SVOPL: variants seen among roughly 807,000 people sequenced by gnomAD.
SVOPL encodes the protein putative transporter SVOPL.
In SVOPL, 60 loss-of-function variants were observed where a neutral mutation model predicts 61.0. The observed-to-expected ratio is 0.98, with a 90% CI of 0.80 to 1.22. The LOEUF (loss-of-function observed/expected upper bound fraction) is 1.22, where lower values mean the gene tolerates loss of function less well. Ranked by LOEUF, SVOPL falls within the 50% of genes most tolerant of loss-of-function variation. The probability of loss-of-function intolerance (pLI) is 0.00; values close to 1 mark genes in which losing one functional copy is unlikely to be tolerated. For synonymous variants in SVOPL, 279 were observed against 250.0 expected (o/e 1.12, Z -1.09); for missense variants, 662 against 643.9 (o/e 1.03, Z -0.30).
At chr7:138,608,438 T>A (rs1798849918) in intron 14 of SVOPL, among the ~76,000 whole-genome samples, 1 of 152,222 alleles carries the variant, frequency 6.6e-6, no homozygotes, top group South Asian at 2.1e-4. Flanking sequence ...CAGACATTTC[T>A]AACCTATGAG....
chr7:138,663,628 T>C, intron 4 of SVOPL: 2 of 982,628 alleles, frequency 2.0e-6, no homozygotes, highest in Non-Finnish European at 2.4e-6. Context: ...CACCTACTTC[T>C]TTTCCTTACT....
Position 138,621,094 on chromosome 7 carries a change from G to T in SVOPL, c.1305C>A (p.Ser435Arg). Residue 435 changes from serine (S) to arginine (R), a missense_variant, in exon 14 of 16, where the codon AGC becomes AGA. Physicochemically the swap from Ser to Arg is moderately radical, Grantham distance 110 (BLOSUM62 -1). Transcript: ENST00000674285. The part of the protein sequence containing the change: ...TTMRALGMGT[S>R]GSLCRIGAMV... The stretch of plus-strand genomic sequence containing the variant: ...TTGCACCAATGCGACACAGGGAGCC[G>T]CTGGTTCCCATCCCCAAAGCGCGCA... The T allele has an allele frequency of 6.2e-7, 1 of 1,613,576 alleles. No homozygotes were observed.
intron 9 of SVOPL, among the ~76,000 whole-genome samples, chr7:138,631,180 C>T (rs1330529701): frequency 6.6e-6 from 1 of 152,046 alleles, no homozygotes; most frequent in Non-Finnish European, 1.5e-5. Flanking sequence ...ACTTAGAGGT[C>T]TTTTGCTCCA....
intron 9 of SVOPL, among the ~76,000 whole-genome samples, chr7:138,640,080 A>C (rs1299695496): frequency 6.6e-6 from 1 of 152,040 alleles, no homozygotes; most frequent in Non-Finnish European, 1.5e-5. Flanking sequence ...TTTAAAGCAA[A>C]GCAGTGTAGA....
chr7:138,621,379 C>T (rs571208253), intron 13 of SVOPL, among the ~76,000 whole-genome samples: 2 of 152,270 alleles, frequency 1.3e-5, no homozygotes, highest in Non-Finnish European at 2.9e-5. Context: ...ATGTGCTTCA[C>T]TGAAGATTCC....
intron 14 of SVOPL, chr7:138,597,363 A>T (rs1019356791): frequency 1.2e-5 from 6 of 510,246 alleles, no homozygotes; most frequent in Non-Finnish European, 1.5e-5. Context: ...CTCAGTAATT[A>T]CTTGTCCAAA....
At chr7:138,652,680 A>G (rs947036835) in intron 7 of SVOPL, among the ~76,000 whole-genome samples, 1 of 152,000 alleles carries the variant, frequency 6.6e-6, no homozygotes, top group Middle Eastern at 3.4e-3. Flanking sequence ...CAATGGTGCC[A>G]TCTCAGCTTG....
At chr7:138,627,229 A>G in intron 12 of SVOPL, 121 bp downstream of exon 12, 1 of 681,864 alleles carries the variant, frequency 1.5e-6, no homozygotes, top group South Asian at 1.9e-5. Context: ...TCAAGCAAGC[A>G]GCCCATTCTC....
chr7:138,616,586 T>G (rs1799314499), intron 14 of SVOPL, among the ~76,000 whole-genome samples: 1 of 152,192 alleles, frequency 6.6e-6, no homozygotes, highest in Admixed American at 6.5e-5. Flanking sequence ...TCCACCGGCC[T>G]CAGCCGCCCA....
At chr7:138,650,110 G>A (rs554280302) in intron 7 of SVOPL, among the ~76,000 whole-genome samples, 56 of 152,294 alleles carry the variant, frequency 3.7e-4, no homozygotes, top group African/African-American at 1.2e-3. Context: ...GATTACAGGC[G>A]CGAGCCACTG....
chr7:138,602,780 G>T (rs779561204), intron 14 of SVOPL, among the ~76,000 whole-genome samples: 21 of 152,036 alleles, frequency 1.4e-4, no homozygotes, highest in Non-Finnish European at 2.6e-4. Context: ...TTTCTGACCT[G>T]CTTGAGAGGT....
At chr7:138,649,501 T>TCGA (rs2117024067) in intron 7 of SVOPL, among the ~76,000 whole-genome samples, 1 of 152,202 alleles carries the variant, frequency 6.6e-6, no homozygotes, top group South Asian at 2.1e-4. Flanking sequence ...TTCACCATGT[T>TCGA]GGCCAGGCTG....
chr7:138,671,335 T>C (rs904454138), intron 4 of SVOPL, among the ~76,000 whole-genome samples: 1 of 152,192 alleles, frequency 6.6e-6, no homozygotes, highest in African/African-American at 2.4e-5. Context: ...AAACTTGATG[T>C]GCAACTCATA....
intron 1 of SVOPL, among the ~76,000 whole-genome samples, chr7:138,692,959 A>T (rs894704292): frequency 6.6e-6 from 1 of 152,220 alleles, no homozygotes; most frequent in South Asian, 2.1e-4. Context: ...CAAAGAATCA[A>T]CATGCTAACT....
chr7:138,649,443 G>A (rs1250309141), intron 7 of SVOPL, among the ~76,000 whole-genome samples: 1 of 151,918 alleles, frequency 6.6e-6, no homozygotes, highest in Non-Finnish European at 1.5e-5. Context: ...ATAGGCATGT[G>A]CCACCACGCC....
intron 4 of SVOPL, chr7:138,663,501 A>G (rs1802099366): frequency 9.7e-7 from 1 of 1,033,540 alleles, no homozygotes; most frequent in Admixed American, 5.2e-5. Flanking sequence ...ACAGTACACA[A>G]ATTGGGGCCA....
intron 1 of SVOPL, among the ~76,000 whole-genome samples, chr7:138,697,104 T>G (rs1185196810): frequency 6.6e-6 from 1 of 152,122 alleles, no homozygotes; most frequent in Admixed American, 6.5e-5. Context: ...GGCATGGTGG[T>G]GCATACCTGT....
intron 14 of SVOPL, among the ~76,000 whole-genome samples, chr7:138,612,118 A>G (rs1470089366): frequency 7.4e-5 from 2 of 27,204 alleles, no homozygotes; most frequent in Non-Finnish European, 1.6e-4. Flanking sequence ...GCTCTCTGAA[A>G]CATGTGCTGT....
At chr7:138,613,411 A>G (rs938665557) in intron 14 of SVOPL, among the ~76,000 whole-genome samples, 10 of 152,196 alleles carry the variant, frequency 6.6e-5, no homozygotes, top group Admixed American at 5.9e-4. Flanking sequence ...GTAAAAATCT[A>G]AAGTCCTTAA....
Sources: gnomAD v4.1 joint callset for allele counts (sites outside exome capture counted in the v4.1 genomes callset) on GRCh38, gnomAD v4.1.1 for gene constraint, MANE v1.5 for transcripts, NCBI Gene and HGNC (gene_info 2026-07-23, HGNC 2026-07-21) for gene names.